Variants in PRKCB observed in about 807,000 individuals in gnomAD.
The protein encoded by PRKCB is protein kinase C beta type.
Under a neutral mutation model 81.5 loss-of-function variants are expected in PRKCB, and 13 were observed. That is an observed-to-expected ratio of 0.16 (90% CI 0.10 to 0.25). The LOEUF is 0.25. Among genes scored for constraint, PRKCB ranks in the 10% least tolerant of loss-of-function variants. The pLI is 1.00. For synonymous variants in PRKCB, 335 were observed against 321.4 expected (o/e 1.04, Z -0.45); for missense variants, 509 against 875.7 (o/e 0.58, Z 5.29).
chr16:24,046,599 AG>A (rs1965768721), intron 5 of PRKCB, among the ~76,000 whole-genome samples: 1 of 152,092 alleles, frequency 6.6e-6, no homozygotes, highest in South Asian at 2.1e-4. Context: ...TACCAGGCAG[AG>A]GGAGCGGCAG....
chr16:24,058,034 C>A (rs537758426), intron 5 of PRKCB, among the ~76,000 whole-genome samples: 4 of 152,188 alleles, frequency 2.6e-5, no homozygotes, highest in African/African-American at 9.6e-5. Flanking sequence ...CTCTTTCCAA[C>A]CTTGTTTGTT....
rs1968293344 is a variant in PRKCB, at chr16:24,219,744, T to C, written c.*4928T>C. 6 of 1,385,018 alleles carry C rather than the reference T, an allele frequency of 4.3e-6. No homozygotes were observed. The South Asian group carries it at 6.7e-5, about 16-fold the overall frequency. 85.8% of individuals were successfully genotyped at this position (1,385,018 alleles called of 1,614,324 possible). A position where few individuals can be genotyped will look rare whatever the true frequency, so the allele number is the denominator to read the frequency against. On this transcript the variant is annotated 3_prime_UTR_variant, in exon 17 of 17. Transcript: ENST00000643927. The stretch of plus-strand genomic sequence containing the variant: ...CTTAACTGACATTCAATGACTTACT[T>C]CTTTTCTTAGAAAATTTCCACCACA...
intron 2 of PRKCB, among the ~76,000 whole-genome samples, chr16:23,881,544 A>G (rs1240395166): frequency 1.3e-5 from 2 of 151,954 alleles, no homozygotes; most frequent in Non-Finnish European, 2.9e-5. Context: ...GAGCCACTGC[A>G]CCCTGGCCCA....
In PRKCB at chr16:24,047,483, A is replaced by G. The variant is rs193012949; in HGVS notation, c.529+11936A>G. Among the ~76,000 whole-genome samples, 137 of 151,860 alleles carry G rather than the reference A, an allele frequency of 9.0e-4. 2 individuals are homozygous for G. Among genetic ancestry groups the G allele is most frequent in the African/African-American group, 3.2e-3 (132 of 41,410 alleles). ...GAGTTGGTGGCTGCGGTGAGCTATG[A>G]TCTCGCTACTGCACTCTAGGCTGGG... On this transcript the variant is annotated intron_variant, in intron 5 of 16. Transcript: ENST00000643927.
At chr16:24,020,975 T>TC (rs1491298500) in intron 3 of PRKCB, among the ~76,000 whole-genome samples, 6,069 of 102,382 alleles carry the variant, frequency 0.059, 211 homozygotes, top group African/African-American at 0.096. Flanking sequence ...GAGACTTTTC[T>TC]TTTTCTTTCT....
intron 2 of PRKCB, among the ~76,000 whole-genome samples, chr16:23,907,468 G>A (rs1347926622): frequency 1.3e-5 from 2 of 152,320 alleles, no homozygotes; most frequent in East Asian, 3.9e-4. Context: ...GTCTTACTAT[G>A]TTGCATAGGC....
At chr16:24,174,810 C>G in intron 12 of PRKCB, 5 of 466,266 alleles carry the variant, frequency 1.1e-5, no homozygotes, top group African/African-American at 1.9e-5. Flanking sequence ...AATGATGGTT[C>G]AGAGCCTCAA....
Position 24,047,820 on chromosome 16 carries a change from G to A in PRKCB, c.529+12273G>A, listed in dbSNP as rs188262478. On this transcript the variant is annotated intron_variant, in intron 5 of 16. Coordinates refer to ENST00000643927, the MANE Select transcript of PRKCB (RefSeq NM_002738.7). ...ACTAGTTTAGCCTTAAGGTCTTGGA[G>A]AAGACCTGCTTTTCATTTGCCTGTT... is the stretch of plus-strand genomic sequence containing the variant. Among the ~76,000 whole-genome samples, 104 of 152,334 alleles carry A rather than the reference G, an allele frequency of 6.8e-4. 1 individual carries two copies. Among genetic ancestry groups the A allele is most frequent in the African/African-American group, 2.4e-3 (100 of 41,574 alleles).
intron 3 of PRKCB, among the ~76,000 whole-genome samples, chr16:24,016,241 G>A (rs1348049840): frequency 6.6e-6 from 1 of 152,118 alleles, no homozygotes; most frequent in Admixed American, 6.5e-5. Context: ...TGAGAATACA[G>A]TATTCCCCAT....
At chr16:24,065,775 G>A (rs1966025340) in intron 5 of PRKCB, among the ~76,000 whole-genome samples, 2 of 152,190 alleles carry the variant, frequency 1.3e-5, no homozygotes, top group Admixed American at 6.5e-5. Flanking sequence ...TCAGGAGTCT[G>A]AGACAGGAGG....
intron 5 of PRKCB, among the ~76,000 whole-genome samples, chr16:24,049,569 CT>C (rs1965815537): frequency 6.6e-6 from 1 of 151,814 alleles, no homozygotes; most frequent in Admixed American, 6.6e-5. Context: ...GACATGCACG[CT>C]TAACCACTAC....
chr16:23,950,032 A>G (rs1964255415), intron 2 of PRKCB, among the ~76,000 whole-genome samples: 2 of 150,374 alleles, frequency 1.3e-5, no homozygotes, highest in Admixed American at 6.6e-5. Flanking sequence ...GCTGCTGCCC[A>G]TGCTAACCGA....
intron 2 of PRKCB, among the ~76,000 whole-genome samples, chr16:23,959,418 A>C (rs938032461): frequency 3.9e-5 from 6 of 152,158 alleles, no homozygotes; most frequent in African/African-American, 1.4e-4. Flanking sequence ...AAATCTTTCA[A>C]TAATGTGTCA....
chr16:23,851,711 A>G (rs998048245), intron 2 of PRKCB, among the ~76,000 whole-genome samples: 1 of 152,240 alleles, frequency 6.6e-6, no homozygotes, highest in Non-Finnish European at 1.5e-5. Context: ...TGTCTAGTCC[A>G]TGAACACGGA....
At chr16:24,170,635 C>CA (rs1967428103) in intron 10 of PRKCB, among the ~76,000 whole-genome samples, 1 of 152,166 alleles carries the variant, frequency 6.6e-6, no homozygotes, top group Non-Finnish European at 1.5e-5. Context: ...GCCCAAGGGC[C>CA]AAAACACACA....
chr16:24,021,038 T>TTCTTTCTC (rs1965365927), intron 3 of PRKCB, among the ~76,000 whole-genome samples: 5 of 82,174 alleles, frequency 6.1e-5, no homozygotes, highest in African/African-American at 1.6e-4. Context: ...CTTTCTTTCT[T>TTCTTTCTC]TCTCTTTCTT....
chr16:23,942,990 C>T (rs1425790147), intron 2 of PRKCB, among the ~76,000 whole-genome samples: 2 of 152,176 alleles, frequency 1.3e-5, no homozygotes, highest in Non-Finnish European at 2.9e-5. Context: ...CCACTCCCCT[C>T]CGGAGCATCC....
intron 2 of PRKCB, among the ~76,000 whole-genome samples, chr16:23,943,548 A>C (rs111833179): frequency 1.3e-5 from 2 of 152,154 alleles, no homozygotes; most frequent in African/African-American, 2.4e-5. Context: ...TTAAAGATAC[A>C]TGTGTGAATG....
rs548190943 is a variant in PRKCB at position 23,967,401 on chromosome 16, T to C, written c.206-21107T>C. On this transcript the variant is annotated intron_variant, in intron 2 of 16. Coordinates refer to ENST00000643927, the MANE Select transcript of PRKCB (RefSeq NM_002738.7). ...GTGATGGTGATGTGGAGAAAATGCA[T>C]TGGGTCAGGACAGCCACCTTTGAAG... Among the ~76,000 whole-genome samples the C allele has an allele frequency of 1.4e-3, 209 of 152,310 alleles. No individual in the cohort carries two copies. In the Middle Eastern group the frequency reaches 0.017, roughly 12 times the overall value.
Sources: gnomAD v4.1 joint callset for allele counts (sites outside exome capture counted in the v4.1 genomes callset) on GRCh38, gnomAD v4.1.1 for gene constraint, MANE v1.5 for transcripts, NCBI Gene and HGNC (gene_info 2026-07-23, HGNC 2026-07-21) for gene names.